The following ENTREP3 variants were observed in gnomAD, a reference collection of about 807,000 sequenced individuals.
ENTREP3 encodes protein ENTREP3.
At chr1:155,252,716 ATATATAT>A in the ENTREP3 span, 1 of 45,222 alleles carries the variant, frequency 2.2e-5, no homozygotes, top group Non-Finnish European at 3.7e-5. Context: ...ATATATATAT[ATATATAT>A]TTTTTTTTTT....
At chr1:155,253,720 T>G in the ENTREP3 span, 1 of 1,609,086 alleles carries the variant, frequency 6.2e-7, no homozygotes, top group African/African-American at 1.3e-5. Flanking sequence ...CCACAGACGC[T>G]GAAGAGCAGG....
chr1:155,253,825 G>A, the ENTREP3 span: 15 of 1,612,152 alleles, frequency 9.3e-6, no homozygotes, highest in Non-Finnish European at 1.2e-5. Flanking sequence ...GCAAGAGTGA[G>A]AACCAGGAGG....
the ENTREP3 span, chr1:155,254,314 C>T: frequency 2.6e-6 from 4 of 1,535,958 alleles, no homozygotes; most frequent in South Asian, 3.4e-5. This position sits in a 1 kb window ranked among gnomAD's most constrained non-coding sequence, Gnocchi z 4.4. Flanking sequence ...AACTGGGGAG[C>T]CAGTTCCCTT....
the ENTREP3 span, chr1:155,248,121 C>A: frequency 6.2e-7 from 1 of 1,614,010 alleles, no homozygotes; most frequent in Non-Finnish European, 8.5e-7. Flanking sequence ...AAACGAGTGA[C>A]CAGGCCCCGA....
chr1:155,248,577 C>G, the ENTREP3 span: 1 of 873,726 alleles, frequency 1.1e-6, no homozygotes, highest in East Asian at 2.5e-5. Flanking sequence ...TCACAGCTCC[C>G]ACGCTCCATC....
chr1:155,252,010 C>T, the ENTREP3 span: 1 of 810,546 alleles, frequency 1.2e-6, no homozygotes, highest in Non-Finnish European at 1.8e-6. Flanking sequence ...TGGCCCTATC[C>T]CCTGAGAGAA....
the ENTREP3 span, chr1:155,251,606 C>A: frequency 1.2e-6 from 2 of 1,613,364 alleles, no homozygotes; most frequent in Admixed American, 3.3e-5. Flanking sequence ...GTGATGCTGG[C>A]AGATGAGGAA....
chr1:155,254,625 C>T, the ENTREP3 span: 2 of 1,600,444 alleles, frequency 1.2e-6, no homozygotes, highest in Admixed American at 1.7e-5. This position sits in a 1 kb window ranked among gnomAD's most constrained non-coding sequence, Gnocchi z 4.4. Context: ...GGAGCCTCCC[C>T]CACCCAACAA....
the ENTREP3 span, chr1:155,248,222 C>T: frequency 5.5e-5 from 89 of 1,606,756 alleles, no homozygotes; most frequent in East Asian, 1.3e-4. Flanking sequence ...CACAGGGCGC[C>T]GTTTCTCGGC....
chr1:155,250,752 T>C, the ENTREP3 span: 18 of 1,612,580 alleles, frequency 1.1e-5, no homozygotes, highest in East Asian at 4.0e-4. This position sits in a 1 kb window ranked among gnomAD's most constrained non-coding sequence, Gnocchi z 5.4. Flanking sequence ...GCACGAGTCC[T>C]CCGACGGGCT....
At chr1:155,252,320 C>T in the ENTREP3 span, among the ~76,000 whole-genome samples, 2 of 151,840 alleles carry the variant, frequency 1.3e-5, no homozygotes, top group African/African-American at 4.8e-5. Context: ...GCCTCATCCT[C>T]CTGAGTAGCT....
At chr1:155,248,388 C>A in the ENTREP3 span, 1 of 1,614,084 alleles carries the variant, frequency 6.2e-7, no homozygotes, top group South Asian at 1.1e-5. Context: ...CCCTGGGGCG[C>A]AAACCACATG....
the ENTREP3 span, chr1:155,247,821 G>T: frequency 6.8e-7 from 1 of 1,477,780 alleles, no homozygotes; most frequent in South Asian, 1.4e-5. Context: ...TGAGGCTGAG[G>T]CTGTGGGGGC....
chr1:155,252,718 ATATATTTTTT>A, the ENTREP3 span: 1 of 42,634 alleles, frequency 2.3e-5, no homozygotes, highest in Non-Finnish European at 3.9e-5. Flanking sequence ...ATATATATAT[ATATATTTTTT>A]TTTTTTTTTT....
At chr1:155,253,609 C>T in the ENTREP3 span, 1 of 1,595,826 alleles carries the variant, frequency 6.3e-7, no homozygotes, top group Non-Finnish European at 8.6e-7. Flanking sequence ...TGCCCTGGCC[C>T]CTGCTCCCTT....
the ENTREP3 span, chr1:155,254,172 GA>G: frequency 1.9e-6 from 3 of 1,613,744 alleles, no homozygotes; most frequent in African/African-American, 4.0e-5. This position sits in a 1 kb window ranked among gnomAD's most constrained non-coding sequence, Gnocchi z 4.4. Flanking sequence ...ACAGAGCACC[GA>G]AAGCAAGGAG....
the ENTREP3 span, chr1:155,254,861 C>G: frequency 2.5e-6 from 4 of 1,574,366 alleles, no homozygotes; most frequent in Admixed American, 7.4e-5. This position sits in a 1 kb window ranked among gnomAD's most constrained non-coding sequence, Gnocchi z 4.4. Flanking sequence ...GCTGGAGTCA[C>G]TAGGCGAGGG....
the ENTREP3 span, chr1:155,248,399 C>T: frequency 3.7e-6 from 6 of 1,613,946 alleles, no homozygotes; most frequent in Non-Finnish European, 5.1e-6. Flanking sequence ...AAACCACATG[C>T]CTGACCTGTA....
At chr1:155,250,599 G>A in the ENTREP3 span, 5,487 of 1,606,816 alleles carry the variant, frequency 3.4e-3, 124 homozygotes, top group East Asian at 0.06. The surrounding 1 kb of genome is among the most constrained non-coding windows in gnomAD (Gnocchi z 5.4). Flanking sequence ...GGCAGCCCGT[G>A]GGGGGCGCCG....
Sources: gnomAD v4.1 joint callset for allele counts (sites outside exome capture counted in the v4.1 genomes callset) on GRCh38, gnomAD v4.1.1 for gene constraint, Gnocchi (gnomAD v3.1) non-coding constraint, MANE v1.5 for transcripts, NCBI Gene and HGNC (gene_info 2026-07-23, HGNC 2026-07-21) for gene names.